ARHGAP42: variants seen among roughly 807,000 people sequenced by gnomAD.
The protein encoded by ARHGAP42 is rho GTPase-activating protein 42.
In ARHGAP42, 63 loss-of-function variants were observed where a neutral mutation model predicts 125.0. The observed-to-expected ratio is 0.50, with a 90% CI of 0.41 to 0.62. ARHGAP42 has a LOEUF of 0.62. ARHGAP42 is among the 20% of genes least tolerant of loss of function. The pLI is 0.00. For synonymous variants in ARHGAP42, 339 were observed against 351.0 expected, an observed-to-expected ratio of 0.97 and a Z score of 0.38; for missense variants, 766 against 1,024.2, an observed-to-expected ratio of 0.75 and a Z score of 3.44.
rs1037334785 is a variant in ARHGAP42 at position 100,989,278 on chromosome 11, G to A, written c.*477G>A. On this transcript the variant is annotated 3_prime_UTR_variant, in exon 24 of 24. Transcript: ENST00000298815. ...TTAGAAATATACTGCTTTTATATAT[G>A]ATTGTTTTGCTGGTCCTAAACATTT... 1 of 394,162 alleles carries A rather than the reference G, an allele frequency of 2.5e-6. No individual in the cohort carries two copies. The highest frequency in any genetic ancestry group is 4.5e-6 in the Non-Finnish European group (1 of 224,216). The allele number at this position is 394,162 out of a possible 1,614,324, so 24.4% of individuals were successfully genotyped here.
At chr11:100,753,890 C>T (rs1276585747) in intron 1 of ARHGAP42, among the ~76,000 whole-genome samples, 1 of 152,230 alleles carries the variant, frequency 6.6e-6, no homozygotes, top group African/African-American at 2.4e-5. Context: ...GTGTAGGCTG[C>T]AGCCTGCAGC....
At chr11:100,750,878 T>C (rs1204885481) in intron 1 of ARHGAP42, among the ~76,000 whole-genome samples, 2 of 152,070 alleles carry the variant, frequency 1.3e-5, no homozygotes, top group African/African-American at 4.8e-5. Flanking sequence ...AACCACCTCC[T>C]ACAGGTCTTG....
At chr11:100,883,896 T>C (rs1056083391) in intron 4 of ARHGAP42, among the ~76,000 whole-genome samples, 1 of 152,160 alleles carries the variant, frequency 6.6e-6, no homozygotes, top group Non-Finnish European at 1.5e-5. Context: ...CTGTAGTGTA[T>C]TTTTAGAAGT....
At chr11:100,793,043 C>T (rs947723181) in intron 2 of ARHGAP42, among the ~76,000 whole-genome samples, 4 of 152,134 alleles carry the variant, frequency 2.6e-5, no homozygotes, top group African/African-American at 9.6e-5. Context: ...CGTGAGCCAC[C>T]GCGCCCAGCC....
At chr11:100,907,128 C>T (rs1026799835) in intron 4 of ARHGAP42, among the ~76,000 whole-genome samples, 4 of 152,246 alleles carry the variant, frequency 2.6e-5, no homozygotes, top group African/African-American at 9.6e-5. Context: ...TGTGTCTCCA[C>T]ATGCTCTTAG....
chr11:100,725,457 C>G (rs1315131502), intron 1 of ARHGAP42, among the ~76,000 whole-genome samples: 1 of 151,488 alleles, frequency 6.6e-6, no homozygotes, highest in Non-Finnish European at 1.5e-5. Context: ...GCGTGAGCCA[C>G]CGCGCCCAGC....
intron 4 of ARHGAP42, among the ~76,000 whole-genome samples, chr11:100,909,942 G>A (rs1866863917): frequency 6.6e-6 from 1 of 152,184 alleles, no homozygotes; most frequent in African/African-American, 2.4e-5. Flanking sequence ...TAAGAGCAAA[G>A]TTGACGCTTG....
intron 6 of ARHGAP42, among the ~76,000 whole-genome samples, chr11:100,923,170 C>CT (rs1867326938): frequency 1.3e-5 from 2 of 152,174 alleles, no homozygotes; most frequent in South Asian, 4.1e-4. Context: ...TTCCCATTGA[C>CT]TAAGTCCCAC....
chr11:100,702,818 C>T (rs1034122043), intron 1 of ARHGAP42, among the ~76,000 whole-genome samples: 3 of 151,930 alleles, frequency 2.0e-5, no homozygotes, highest in Non-Finnish European at 4.4e-5. Context: ...ATTACAGGCA[C>T]GTGTCACCAT....
At chr11:100,694,396 G>GA in intron 1 of ARHGAP42, among the ~76,000 whole-genome samples, 1 of 152,044 alleles carries the variant, frequency 6.6e-6, no homozygotes, top group South Asian at 2.1e-4. Context: ...ATTTTAGATA[G>GA]ATAAGAAAGG....
chr11:100,774,934 G>A (rs528465670), intron 2 of ARHGAP42, among the ~76,000 whole-genome samples: 1 of 152,304 alleles, frequency 6.6e-6, no homozygotes, highest in East Asian at 1.9e-4. Flanking sequence ...GGCAAAATGG[G>A]ATTCGTTGTT....
At chr11:100,830,113 A>G (rs1337264493) in intron 3 of ARHGAP42, among the ~76,000 whole-genome samples, 1 of 152,222 alleles carries the variant, frequency 6.6e-6, no homozygotes, top group Non-Finnish European at 1.5e-5. Flanking sequence ...ATTACTTTGA[A>G]AACTCCTTGG....
chr11:100,834,712 A>T (rs1215928910), intron 3 of ARHGAP42, among the ~76,000 whole-genome samples: 2 of 152,124 alleles, frequency 1.3e-5, no homozygotes, highest in Admixed American at 1.3e-4. Context: ...AACTGTAGCC[A>T]AAAAAAGAAT....
At chr11:100,977,947 T>G (rs1858433602) in intron 21 of ARHGAP42, among the ~76,000 whole-genome samples, 1 of 152,222 alleles carries the variant, frequency 6.6e-6, no homozygotes. Context: ...ATTCATTAGT[T>G]CATCCTTTTC....
chr11:100,897,465 T>C (rs1309854189), intron 4 of ARHGAP42, among the ~76,000 whole-genome samples: 2 of 152,180 alleles, frequency 1.3e-5, no homozygotes, highest in Non-Finnish European at 2.9e-5. Flanking sequence ...ATTCTTCCTA[T>C]CCATGAGCAT....
chr11:100,931,026 C>A (rs1045779340), intron 6 of ARHGAP42, among the ~76,000 whole-genome samples: 1 of 152,086 alleles, frequency 6.6e-6, no homozygotes, highest in Non-Finnish European at 1.5e-5. Context: ...GGATCCAAGT[C>A]TAAACATGAA....
chr11:100,779,485 T>C (rs113485056), intron 2 of ARHGAP42, among the ~76,000 whole-genome samples: 6,825 of 81,088 alleles, frequency 0.084, 543 homozygotes, highest in Non-Finnish European at 0.12. Context: ...TATATATATA[T>C]ACACACACAC....
At chr11:100,871,731 A>C (rs1029923160) in intron 4 of ARHGAP42, among the ~76,000 whole-genome samples, 2 of 152,200 alleles carry the variant, frequency 1.3e-5, no homozygotes, top group African/African-American at 4.8e-5. Context: ...TTTGCTGAAC[A>C]TCACTGTTAG....
rs529427783 is a variant in ARHGAP42, at chr11:100,809,518, A to C, written c.312+14352A>C. Among the ~76,000 whole-genome samples the C allele has an allele frequency of 7.2e-5, 11 of 152,372 alleles. No individual in the cohort carries two copies. In the South Asian group the frequency reaches 2.3e-3, roughly 32 times the overall value. ...AGAATACTATGATAGTTGTGTATGA[A>C]ATTTTACAAGACTTAGAAACATGTT... is the stretch of plus-strand genomic sequence containing the variant. On this transcript the variant is annotated intron_variant, in intron 3 of 23. Coordinates refer to ENST00000298815, the MANE Select transcript of ARHGAP42 (RefSeq NM_152432.4).
Sources: allele counts gnomAD v4.1 joint callset (sites outside exome capture counted in the v4.1 genomes callset), GRCh38; gene constraint gnomAD v4.1.1; transcripts MANE v1.5; gene names NCBI Gene and HGNC (gene_info 2026-07-23, HGNC 2026-07-21).